CACHD1: variants seen among roughly 807,000 people sequenced by gnomAD.
CACHD1 encodes VWFA and cache domain-containing protein 1.
In CACHD1, 71 loss-of-function variants were observed where a neutral mutation model predicts 138.7. The ratio of observed to expected loss-of-function variants is 0.51; its 90% confidence interval spans 0.42 to 0.62. The LOEUF (loss-of-function observed/expected upper bound fraction) is 0.62. Ranked by LOEUF, CACHD1 falls within the 20% of genes least tolerant of loss-of-function variation. The pLI, the probability that CACHD1 is intolerant of heterozygous loss-of-function variation, is 0.00. For synonymous variants in CACHD1, 578 were observed against 591.5 expected (o/e 0.98, Z 0.33); for missense variants, 1,389 against 1,625.3 (o/e 0.85, Z 2.50).
chr1:64,683,979 G>A lies in CACHD1; in HGVS notation c.3586+1873G>A, dbSNP rs1048079994. Among the ~76,000 whole-genome samples the A allele has an allele frequency of 1.5e-4, 23 of 152,266 alleles. 2 individuals carry two copies. Among genetic ancestry groups the A allele is most frequent in the Admixed American group, 1.1e-3 (17 of 15,294 alleles). ...TGTATGCTCTACTCTCCTATTTGGTGGATGTATTGGCATCTGCTATGCACA... is the reference window on the plus strand; with the variant it reads ...TGTATGCTCTACTCTCCTATTTGGTAGATGTATTGGCATCTGCTATGCACA... On this transcript the variant is annotated intron_variant, in intron 26 of 26. Transcript: ENST00000651257.
chr1:64,548,412 T>G (rs1303234862), intron 1 of CACHD1, among the ~76,000 whole-genome samples: 4 of 152,246 alleles, frequency 2.6e-5, no homozygotes, highest in African/African-American at 4.8e-5. Flanking sequence ...CTGTTGGCAC[T>G]ATTTAACAGC....
intron 25 of CACHD1, among the ~76,000 whole-genome samples, chr1:64,681,557 T>TTTTTTTTG (rs1650191372): frequency 7.2e-6 from 1 of 138,282 alleles, no homozygotes; most frequent in African/African-American, 2.6e-5. Flanking sequence ...TTTTTTTTTT[T>TTTTTTTTG]TTTTTTTGCA....
chr1:64,597,521 GTTGTTTTTTTTTTTT>G (rs1187161998), intron 3 of CACHD1, among the ~76,000 whole-genome samples: 16 of 63,856 alleles, frequency 2.5e-4, no homozygotes, highest in African/African-American at 8.6e-4. Flanking sequence ...TTTTTTTTTT[GTTGTTTTTTTTTTTT>G]TTTTTTTTTT....
chr1:64,548,042 A>T (rs1311649611), intron 1 of CACHD1, among the ~76,000 whole-genome samples: 5 of 152,240 alleles, frequency 3.3e-5, no homozygotes, highest in Non-Finnish European at 5.9e-5. Flanking sequence ...ATCTACTAAG[A>T]TAAAAGTATT....
chr1:64,486,647 T>C (rs911719717), intron 1 of CACHD1, among the ~76,000 whole-genome samples: 1 of 152,176 alleles, frequency 6.6e-6, no homozygotes, highest in East Asian at 1.9e-4. Flanking sequence ...AACAAAGCAT[T>C]ATTTAGGATT....
At chr1:64,658,905 C>T (rs1250266282) in intron 13 of CACHD1, 32 bp downstream of exon 13, 8 of 1,490,464 alleles carry the variant, frequency 5.4e-6, no homozygotes, top group Non-Finnish European at 7.2e-6. Flanking sequence ...CACATTCTTA[C>T]TCTTAGCAGC....
chr1:64,540,021 T>C (rs1646665123), intron 1 of CACHD1, among the ~76,000 whole-genome samples: 1 of 152,198 alleles, frequency 6.6e-6, no homozygotes, highest in African/African-American at 2.4e-5. Flanking sequence ...GGACCATATT[T>C]TATATAGCTT....
chr1:64,562,576 A>AT (rs56286973), intron 2 of CACHD1, among the ~76,000 whole-genome samples: 247 of 134,440 alleles, frequency 1.8e-3, no homozygotes, highest in African/African-American at 6.2e-3. Flanking sequence ...CACCTGGCTA[A>AT]TTTTTTTTTT....
At chr1:64,536,933 G>A (rs979071765) in intron 1 of CACHD1, among the ~76,000 whole-genome samples, 1 of 152,114 alleles carries the variant, frequency 6.6e-6, no homozygotes. Context: ...ATTCCCGTGA[G>A]GAAACAGGCT....
At position 64,676,968 on chromosome 1, in the gene CACHD1, C is replaced by G. The variant is rs1270045917; in HGVS notation, c.3049C>G (p.His1017Asp). 1 of 1,613,930 alleles carries G rather than the reference C, an allele frequency of 6.2e-7. No individual in the cohort carries two copies. The highest frequency in any genetic ancestry group is 1.3e-5 in the African/African-American group (1 of 74,910). ...TGACCCTGGCCTGCAAGATGCTCTT[C>G]ACCAGTGTGTCAACAGCAGGTGCAG... is the stretch of plus-strand genomic sequence containing the variant. The part of the protein sequence containing the change: ...AIDPGLQDAL[H>D]QCVNSRCSQR... Residue 1017 changes from histidine to aspartate, a missense_variant, in exon 22 of 27, where the codon CAC becomes GAC. Physicochemically the swap from His to Asp is moderately conservative, Grantham distance 81. This residue lies in a region of CACHD1 where 250 missense variants were observed against 292.9 expected (regional missense o/e 0.85). Coordinates refer to ENST00000651257, the MANE Select transcript of CACHD1 (RefSeq NM_020925.4).
intron 3 of CACHD1, among the ~76,000 whole-genome samples, chr1:64,590,278 G>A (rs935563363): frequency 2.7e-5 from 4 of 150,014 alleles, no homozygotes; most frequent in Non-Finnish European, 1.5e-5. Context: ...GCCAAGATCG[G>A]CGCCACGGCA....
At chr1:64,541,645 C>A (rs1646678015) in intron 1 of CACHD1, among the ~76,000 whole-genome samples, 1 of 151,584 alleles carries the variant, frequency 6.6e-6, no homozygotes, top group African/African-American at 2.4e-5. Context: ...CTGTCTCTAC[C>A]AAACAAAACA....
rs1424404210 is a variant in CACHD1, at chr1:64,679,804, G to A, written c.3406+48G>A. Reference sequence around the variant, plus strand: ...AGGGGAGGCAGCAGCCAGGCTAGAAGGACAGTGGCGGGTTGTGTAAGCCTC... The same window carrying A: ...AGGGGAGGCAGCAGCCAGGCTAGAAAGACAGTGGCGGGTTGTGTAAGCCTC... On this transcript the variant is annotated intron_variant, in intron 24 of 26. Coordinates refer to ENST00000651257, the MANE Select transcript of CACHD1 (RefSeq NM_020925.4). The A allele has an allele frequency of 3.8e-6, 6 of 1,598,832 alleles. No individual in the cohort carries two copies. In the East Asian group the frequency reaches 1.3e-4, roughly 36 times the overall value.
In CACHD1 at chr1:64,570,165, T is replaced by C. The variant is rs112826562; in HGVS notation, c.262-11991T>C. Among the ~76,000 whole-genome samples, 1,068 of 152,312 alleles carry C rather than the reference T, an allele frequency of 7.0e-3. 13 individuals carry two copies. Among genetic ancestry groups the C allele is most frequent in the African/African-American group, 0.024 (1,008 of 41,566 alleles). On this transcript the variant is annotated intron_variant, in intron 2 of 26. Transcript: ENST00000651257. ...CTCAAGAACAGGGACCACTCATCCCTAACATATCCCATGGTGCAATAGGAA... is the reference window on the plus strand; with the variant it reads ...CTCAAGAACAGGGACCACTCATCCCCAACATATCCCATGGTGCAATAGGAA...
At position 64,629,459 on chromosome 1, in the gene CACHD1, G is replaced by A. The variant is rs1472126968; in HGVS notation, c.622G>A (p.Gly208Ser). The change falls in exon 5 of 27, where the codon GGC becomes AGC. Residue 208 changes from glycine (G) to serine (S), a missense_variant. Around this residue, in one of 5 missense-constraint regions of CACHD1, gnomAD observed 1,000 missense variants for 1,114.7 expected, o/e 0.90. Coordinates refer to ENST00000651257, the MANE Select transcript of CACHD1 (RefSeq NM_020925.4). Reference protein sequence around the residue: ...VFPAHKFRCKGSYEHRSRPIY... With the variant: ...VFPAHKFRCKSSYEHRSRPIY... ...CCCAGCACACAAGTTCCGGTGTAAG[G>A]GCAGCTACGAACACCGCAGTAGGTA... The A allele has an allele frequency of 1.9e-6, 3 of 1,613,918 alleles. No individual in the cohort carries two copies. Among genetic ancestry groups the A allele is most frequent in the Non-Finnish European group, 2.5e-6 (3 of 1,179,960 alleles).
At chr1:64,639,897 G>A (rs1036632411) in intron 7 of CACHD1, among the ~76,000 whole-genome samples, 2 of 152,174 alleles carry the variant, frequency 1.3e-5, no homozygotes, top group African/African-American at 4.8e-5. Context: ...TTCTTGAGAC[G>A]GCAGTCAGCC....
At chr1:64,681,068 T>G (rs906160134) in intron 24 of CACHD1, among the ~76,000 whole-genome samples, 190 bp from the exon 25 acceptor site, 12 of 152,230 alleles carry the variant, frequency 7.9e-5, no homozygotes, top group Non-Finnish European at 1.3e-4. Flanking sequence ...TTACTTGTTC[T>G]TCTTGTTTGG....
chr1:64,652,861 A>G (rs891865240), intron 10 of CACHD1, among the ~76,000 whole-genome samples: 1 of 152,192 alleles, frequency 6.6e-6, no homozygotes, highest in Non-Finnish European at 1.5e-5. Flanking sequence ...TGAAAACAGA[A>G]CTACCATTTG....
chr1:64,600,241 C>T (rs572877273), intron 3 of CACHD1, among the ~76,000 whole-genome samples: 1 of 152,212 alleles, frequency 6.6e-6, no homozygotes, highest in Non-Finnish European at 1.5e-5. Context: ...AGGGAAGTAC[C>T]AGTGCTCATG....
Sources: gnomAD v4.1 joint callset for allele counts (sites outside exome capture counted in the v4.1 genomes callset) on GRCh38, gnomAD v4.1.1 for gene constraint, gnomAD v4.1.1 regional missense constraint, MANE v1.5 for transcripts, NCBI Gene and HGNC (gene_info 2026-07-23, HGNC 2026-07-21) for gene names.